The following NNMT variants were observed in gnomAD, a reference collection of about 807,000 sequenced individuals.
NNMT encodes nicotinamide N-methyltransferase.
Under a neutral mutation model 11.7 loss-of-function variants are expected in NNMT, and 10 were observed. That is an observed-to-expected ratio of 0.85 (90% CI 0.53 to 1.45). The LOEUF (loss-of-function observed/expected upper bound fraction) is 1.45, where lower values mean the gene tolerates loss of function less well. Ranked by LOEUF, NNMT falls within the 40% of genes most tolerant of loss-of-function variation. The probability of loss-of-function intolerance (pLI) is 0.00; values close to 1 mark genes in which losing one functional copy is unlikely to be tolerated. For synonymous variants in NNMT, 143 were observed against 133.8 expected, an observed-to-expected ratio of 1.07 and a Z score of -0.48; for missense variants, 381 against 319.4, an observed-to-expected ratio of 1.19 and a Z score of -1.47.
intron 1 of NNMT, chr11:114,297,466 TG>T (rs1945393016): frequency 7.0e-6 from 1 of 143,764 alleles, no homozygotes; most frequent in South Asian, 2.2e-4. Flanking sequence ...TACAGGGATT[TG>T]GGGAAAATAT....
chr11:114,268,005 T>G (rs774018293), intron 2 of NNMT, among the ~76,000 whole-genome samples: 4 of 152,248 alleles, frequency 2.6e-5, no homozygotes, highest in Non-Finnish European at 4.4e-5. Flanking sequence ...CCCCATGCTG[T>G]TAACTTGTTG....
chr11:114,261,976 C>A (rs1945086716), intron 1 of NNMT, among the ~76,000 whole-genome samples: 1 of 152,090 alleles, frequency 6.6e-6, no homozygotes, highest in Non-Finnish European at 1.5e-5. Flanking sequence ...GGGAAAGAAG[C>A]AGGCAGGCCT....
intron 2 of NNMT, among the ~76,000 whole-genome samples, chr11:114,268,942 A>T (rs1435343877): frequency 1.3e-5 from 2 of 152,216 alleles, no homozygotes; most frequent in East Asian, 3.9e-4. Context: ...AGTAATTGTT[A>T]CTCTGTCATG....
At chr11:114,297,090 A>G (rs1444450592) in intron 1 of NNMT, among the ~76,000 whole-genome samples, 2 of 152,208 alleles carry the variant, frequency 1.3e-5, no homozygotes, top group Admixed American at 1.3e-4. Context: ...ACCTCCCAAT[A>G]TATGAAGAAC....
intron 1 of NNMT, among the ~76,000 whole-genome samples, chr11:114,261,584 CAAAA>C (rs1179872947): frequency 6.8e-6 from 1 of 147,408 alleles, no homozygotes; most frequent in Non-Finnish European, 1.5e-5. Flanking sequence ...AACTCCATCT[CAAAA>C]CAAACAAACA....
At chr11:114,283,698 A>G (rs1945277765) in intron 2 of NNMT, among the ~76,000 whole-genome samples, 1 of 152,214 alleles carries the variant, frequency 6.6e-6, no homozygotes, top group African/African-American at 2.4e-5. Context: ...TCAATTTTTA[A>G]AAAAGCTTAT....
chr11:114,296,372 A>G, upstream of NNMT: 1 of 599,318 alleles, frequency 1.7e-6, no homozygotes. Flanking sequence ...TAGAACAGCC[A>G]GAACATTTGT....
chr11:114,269,582 GC>G (rs1308960502), intron 2 of NNMT: 1 of 152,116 alleles, frequency 6.6e-6, no homozygotes, highest in Non-Finnish European at 1.5e-5. Flanking sequence ...ATCTGTCCTT[GC>G]CTTTCCTCCA....
At chr11:114,294,970 G>A (rs182391246), upstream of NNMT, among the ~76,000 whole-genome samples, 156 of 152,324 alleles carry the variant, frequency 1.0e-3, no homozygotes, top group Middle Eastern at 3.4e-3. Flanking sequence ...ACAAAAGAGA[G>A]AGCGAATTCT....
chr11:114,261,192 T>C (rs1464685335), intron 1 of NNMT, among the ~76,000 whole-genome samples: 1 of 152,166 alleles, frequency 6.6e-6, no homozygotes, highest in Non-Finnish European at 1.5e-5. Context: ...GCTGCCGGCA[T>C]CTCCGGGACT....
intron 1 of NNMT, among the ~76,000 whole-genome samples, chr11:114,260,245 C>T (rs977882879): frequency 3.9e-5 from 6 of 152,170 alleles, no homozygotes; most frequent in South Asian, 2.1e-4. Context: ...TGCTGTCCAT[C>T]GCGGAGATGG....
chr11:114,302,925 G>C (rs1462048061), intron 2 of NNMT, among the ~76,000 whole-genome samples: 2 of 152,152 alleles, frequency 1.3e-5, no homozygotes, highest in East Asian at 3.9e-4. Context: ...GAAGTCAGCT[G>C]TCTGTGGCCC....
Sources: gnomAD v4.1 joint callset for allele counts (sites outside exome capture counted in the v4.1 genomes callset) on GRCh38, gnomAD v4.1.1 for gene constraint, MANE v1.5 for transcripts, NCBI Gene and HGNC (gene_info 2026-07-23, HGNC 2026-07-21) for gene names.